The following DLGAP1 variants were observed in gnomAD, a reference collection of about 807,000 sequenced individuals.
The protein encoded by DLGAP1 is disks large-associated protein 1.
DLGAP1 carries 11 observed loss-of-function variants against 90.8 expected under a neutral mutation model. That is an observed-to-expected ratio of 0.12 (90% CI 0.08 to 0.20). The LOEUF is 0.20. Ranked by LOEUF, DLGAP1 falls within the 10% of genes least tolerant of loss-of-function variation. The pLI is 1.00. For missense variants in DLGAP1, 1,050 were observed against 1,333.8 expected (o/e 0.79, Z 3.31); for synonymous variants, 558 against 540.7 (o/e 1.03, Z -0.44).
intron 10 of DLGAP1, among the ~76,000 whole-genome samples, chr18:3,510,757 T>G (rs2050496063): frequency 6.6e-6 from 1 of 152,198 alleles, no homozygotes; most frequent in South Asian, 2.1e-4. Context: ...CTGACTTACC[T>G]AAAAACTTTG....
intron 1 of DLGAP1, among the ~76,000 whole-genome samples, chr18:4,354,169 T>C (rs942922077): frequency 2.6e-5 from 4 of 152,136 alleles, no homozygotes; most frequent in African/African-American, 9.7e-5. Context: ...CCCTTCTTTC[T>C]CCTACTCTCC....
chr18:4,394,228 A>C (rs2082395368), intron 1 of DLGAP1, among the ~76,000 whole-genome samples: 1 of 152,198 alleles, frequency 6.6e-6, no homozygotes, highest in Non-Finnish European at 1.5e-5. Flanking sequence ...CCTTGAAAAA[A>C]CGTATTCATT....
In DLGAP1 at chr18:3,782,508, G is replaced by A. The variant is rs751788493; in HGVS notation, c.1172+31551C>T. Among the ~76,000 whole-genome samples, 39 of 152,312 alleles carry A rather than the reference G, an allele frequency of 2.6e-4. 1 individual carries two copies. Among genetic ancestry groups the A allele is most frequent in the Non-Finnish European group, 4.0e-4 (27 of 68,020 alleles). ...TAATCATGTGAAGAGAGACTTTGCA[G>A]GTGTTGATGATGCATAAATCAGAAG... On this transcript the variant is annotated intron_variant, in intron 5 of 12. Coordinates refer to ENST00000315677, the MANE Select transcript of DLGAP1 (RefSeq NM_004746.4).
chr18:4,362,327 C>T (rs377336120), intron 1 of DLGAP1, among the ~76,000 whole-genome samples: 12 of 152,180 alleles, frequency 7.9e-5, no homozygotes, highest in South Asian at 4.2e-4. Context: ...AATGTGGAAG[C>T]GAACCAAGTG....
chr18:4,124,047 G>T (rs750009164), intron 2 of DLGAP1, among the ~76,000 whole-genome samples: 7 of 152,158 alleles, frequency 4.6e-5, no homozygotes, highest in Admixed American at 4.6e-4. Flanking sequence ...ATTCTGAACA[G>T]ATATTGCTGA....
chr18:4,330,250 T>C (rs1188921835), intron 1 of DLGAP1, among the ~76,000 whole-genome samples: 1 of 149,538 alleles, frequency 6.7e-6, no homozygotes, highest in East Asian at 1.9e-4. Context: ...GTATTCTCTC[T>C]TTATTTTCTG....
chr18:4,019,122 A>G (rs1377799872), intron 2 of DLGAP1, among the ~76,000 whole-genome samples: 1 of 152,194 alleles, frequency 6.6e-6, no homozygotes, highest in East Asian at 1.9e-4. Context: ...AGCACAGTCT[A>G]TTCTGCTCCA....
At chr18:4,388,044 T>C (rs568095031) in intron 1 of DLGAP1, among the ~76,000 whole-genome samples, 1 of 152,038 alleles carries the variant, frequency 6.6e-6, no homozygotes, top group Non-Finnish European at 1.5e-5. Flanking sequence ...CTACAGGGAC[T>C]GAGTGCCTAG....
chr18:4,345,176 T>C (rs2081280402), intron 1 of DLGAP1, among the ~76,000 whole-genome samples: 1 of 152,186 alleles, frequency 6.6e-6, no homozygotes, highest in South Asian at 2.1e-4. Flanking sequence ...GTCACTGGAA[T>C]GCACTTCTAA....
chr18:3,711,882 T>A lies in DLGAP1; in HGVS notation c.1591+17253A>T, dbSNP rs1244637490. Among the ~76,000 whole-genome samples, 1 of 151,734 alleles carries A rather than the reference T, an allele frequency of 6.6e-6. No homozygotes were observed. Among genetic ancestry groups the A allele is most frequent in the Non-Finnish European group, 1.5e-5 (1 of 67,900 alleles). ...AAAAATAAAAAAAGGAAGACAGAAA[T>A]GCATCGGAGTATGAGGTTGTGGTTT... On this transcript the variant is annotated intron_variant, in intron 7 of 12. Transcript: ENST00000315677. The surrounding 1 kb of genome is among the most constrained non-coding windows in gnomAD (Gnocchi z 4.0).
intron 7 of DLGAP1, among the ~76,000 whole-genome samples, chr18:3,726,818 C>T (rs1205185696): frequency 2.0e-5 from 3 of 152,136 alleles, no homozygotes; most frequent in African/African-American, 7.2e-5. Context: ...GGCAGCCAAG[C>T]CTGGAGCCTT....
At chr18:3,616,106 T>C (rs935126831) in intron 7 of DLGAP1, among the ~76,000 whole-genome samples, 2 of 152,208 alleles carry the variant, frequency 1.3e-5, no homozygotes, top group Non-Finnish European at 2.9e-5. Flanking sequence ...AATTTGTACG[T>C]GGGATTATTA....
intron 3 of DLGAP1, among the ~76,000 whole-genome samples, chr18:3,939,713 G>A (rs564265372): frequency 1.3e-5 from 2 of 151,972 alleles, no homozygotes; most frequent in Non-Finnish European, 2.9e-5. Flanking sequence ...AGTGAGGAGA[G>A]GAATGTAAGG....
intron 7 of DLGAP1, among the ~76,000 whole-genome samples, chr18:3,704,395 A>C (rs1393764250): frequency 6.6e-6 from 1 of 151,780 alleles, no homozygotes; most frequent in Non-Finnish European, 1.5e-5. Context: ...ACATGGTGAA[A>C]CCCTGTCTCT....
rs5822792 is a variant in DLGAP1 at position 4,108,539 on chromosome 18, T to TAAA, written c.-159+42638_-159+42640dup. On this transcript the variant is annotated intron_variant, in intron 2 of 12. Coordinates refer to ENST00000315677, the MANE Select transcript of DLGAP1 (RefSeq NM_004746.4). Reference sequence around the variant, plus strand: ...TTCTCCCATACCCTGTATTACACAATAAAAAAAAAACCAGTAACATCTTGT... The same window carrying TAAA: ...TTCTCCCATACCCTGTATTACACAATAAAAAAAAAAAAACCAGTAACATCTTGT... Among the ~76,000 whole-genome samples the TAAA allele has an allele frequency of 5.3e-3, 790 of 149,500 alleles. 4 individuals are homozygous for TAAA. Among genetic ancestry groups the TAAA allele is most frequent in the African/African-American group, 7.4e-3 (302 of 40,830 alleles).
At chr18:3,600,757 G>GATATATAGAGATATATAGAT (rs2056881656) in intron 7 of DLGAP1, among the ~76,000 whole-genome samples, 1 of 8,718 alleles carries the variant, frequency 1.1e-4, no homozygotes, top group East Asian at 1.9e-3. Flanking sequence ...GATATATATA[G>GATATATAGAGATATATAGAT]ATATATAGAT....
chr18:4,201,482 T>A (rs1488358446), intron 1 of DLGAP1, among the ~76,000 whole-genome samples: 2 of 152,198 alleles, frequency 1.3e-5, no homozygotes, highest in Non-Finnish European at 2.9e-5. Context: ...TTGGTCTGTG[T>A]GTCTATTTTT....
chr18:3,837,848 T>TAAAA (rs1491483646), intron 4 of DLGAP1, among the ~76,000 whole-genome samples: 1 of 33,762 alleles, frequency 3.0e-5, no homozygotes, highest in African/African-American at 1.5e-4. Flanking sequence ...TGAGATTCTG[T>TAAAA]CAAAAAAAAA....
intron 3 of DLGAP1, among the ~76,000 whole-genome samples, chr18:3,954,712 G>A (rs1211056896): frequency 4.6e-5 from 7 of 152,162 alleles, no homozygotes; most frequent in Non-Finnish European, 1.0e-4. Context: ...CTAAAGGGAT[G>A]AGATACTTCT....
Sources: gnomAD v4.1 joint callset for allele counts (sites outside exome capture counted in the v4.1 genomes callset) on GRCh38, gnomAD v4.1.1 for gene constraint, Gnocchi (gnomAD v3.1) non-coding constraint, MANE v1.5 for transcripts, NCBI Gene and HGNC (gene_info 2026-07-23, HGNC 2026-07-21) for gene names.